The following KCNG2 variants were observed in gnomAD, a reference collection of about 807,000 sequenced individuals.
The protein encoded by KCNG2 is voltage-gated potassium channel regulatory subunit KCNG2.
Under a neutral mutation model 12.3 loss-of-function variants are expected in KCNG2, and 7 were observed. The ratio of observed to expected loss-of-function variants is 0.57; its 90% confidence interval spans 0.32 to 1.07. The LOEUF (loss-of-function observed/expected upper bound fraction) is 1.07, where lower values mean the gene tolerates loss of function less well. KCNG2 is among the 50% of genes least tolerant of loss of function. The pLI is 0.04. For synonymous variants in KCNG2, 414 were observed against 351.4 expected (o/e 1.18, Z -1.99); for missense variants, 703 against 726.0 (o/e 0.97, Z 0.36).
chr18:79,900,031 G>A lies in KCNG2; in HGVS notation c.*215G>A. The A allele has an allele frequency of 2.7e-6, 1 of 375,582 alleles. No homozygotes were observed. Among genetic ancestry groups the A allele is most frequent in the Admixed American group, 4.6e-5 (1 of 21,748 alleles). The allele number at this position is 375,582 out of a possible 1,614,324, so 23.3% of individuals were successfully genotyped here. A position where few individuals can be genotyped will look rare whatever the true frequency, so the allele number is the denominator to read the frequency against. ...CAAAGTCACTGGCCTTTGTCCTCCT[G>A]CCCCACCCCTTTCCTTGGATTTTTA... On this transcript the variant is annotated 3_prime_UTR_variant, in exon 4 of 4. Transcript: ENST00000316249.
At position 79,899,123 on chromosome 18, in the gene KCNG2, C is replaced by T; in HGVS notation, c.708C>T (p.Arg236=). Reference sequence around the variant, plus strand: ...GGTTCTCCTTCGAGTTCCTGCTGCGCTCCCTGCAGGCCGAGAGCAAGTGCG... The same window carrying T: ...GGTTCTCCTTCGAGTTCCTGCTGCGTTCCCTGCAGGCCGAGAGCAAGTGCG... ...VAWFSFEFLL[R]SLQAESKCAF... is the part of the protein sequence containing the mutation. The change falls in exon 4 of 4, where the codon CGC becomes CGT. Residue 236 remains arginine, a synonymous_variant. Transcript: ENST00000316249. 6.2e-7 allele frequency: 1 copy of T among 1,607,350 alleles called. No individual in the cohort carries two copies. The highest frequency in any genetic ancestry group is 2.2e-5 in the East Asian group (1 of 44,722).
At chr18:79,871,680 G>A (rs913144885) in intron 3 of KCNG2, among the ~76,000 whole-genome samples, 2 of 152,242 alleles carry the variant, frequency 1.3e-5, no homozygotes, top group Non-Finnish European at 2.9e-5. Flanking sequence ...CCCAGGGGCA[G>A]TAGAGGGAGG....
chr18:79,888,932 G>A (rs891188849), intron 3 of KCNG2, among the ~76,000 whole-genome samples: 7 of 152,028 alleles, frequency 4.6e-5, no homozygotes, highest in Non-Finnish European at 7.4e-5. Flanking sequence ...GCCCACCTTG[G>A]CCTCCCAAAG....
chr18:79,882,523 A>T (rs1181660773), intron 3 of KCNG2, among the ~76,000 whole-genome samples: 1 of 152,260 alleles, frequency 6.6e-6, no homozygotes. Context: ...AAAAGGGACA[A>T]AGTTTTGAAC....
chr18:79,887,776 C>T (rs886652692), intron 3 of KCNG2, among the ~76,000 whole-genome samples: 11 of 152,186 alleles, frequency 7.2e-5, no homozygotes, highest in Non-Finnish European at 1.3e-4. Flanking sequence ...CAGATCGGGG[C>T]TCGGGGGGTG....
chr18:79,799,078 T>A (rs1271726185), intron 1 of KCNG2, among the ~76,000 whole-genome samples: 1 of 152,242 alleles, frequency 6.6e-6, no homozygotes, highest in East Asian at 1.9e-4. Context: ...GGGTCCCCCC[T>A]TCTCTGCCTG....
At chr18:79,812,816 G>A (rs145481316) in intron 1 of KCNG2, among the ~76,000 whole-genome samples, 4,683 of 151,854 alleles carry the variant, frequency 0.031, 244 homozygotes, top group African/African-American at 0.11. Context: ...AGCCGAGATC[G>A]CACCACTGTA....
chr18:79,807,018 A>T (rs568343682), intron 1 of KCNG2, among the ~76,000 whole-genome samples: 86 of 152,302 alleles, frequency 5.6e-4, no homozygotes, highest in African/African-American at 1.9e-3. Context: ...TAAATGTTAG[A>T]AATAGCCTGA....
chr18:79,817,828 C>T (rs1186592996), intron 1 of KCNG2, among the ~76,000 whole-genome samples: 5 of 152,226 alleles, frequency 3.3e-5, no homozygotes, highest in African/African-American at 7.2e-5. Flanking sequence ...CTCAGACCCT[C>T]GGACCTGACT....
At chr18:79,885,421 C>T (rs1268287789) in intron 3 of KCNG2, among the ~76,000 whole-genome samples, 2 of 152,328 alleles carry the variant, frequency 1.3e-5, no homozygotes, top group African/African-American at 2.4e-5. Context: ...ACCATCCCAC[C>T]TGTGGTTCCG....
intron 1 of KCNG2, among the ~76,000 whole-genome samples, chr18:79,849,010 G>A (rs1978721397): frequency 6.6e-6 from 1 of 152,160 alleles, no homozygotes; most frequent in Non-Finnish European, 1.5e-5. Context: ...GATAATGAGT[G>A]CTTCCTGGAC....
At chr18:79,880,237 A>C (rs1218886289) in intron 3 of KCNG2, among the ~76,000 whole-genome samples, 1 of 148,154 alleles carries the variant, frequency 6.7e-6, no homozygotes, top group Non-Finnish European at 1.5e-5. Flanking sequence ...GGATAGTTAC[A>C]TGGGTTGGTT....
At chr18:79,807,371 T>C (rs2087457573) in intron 1 of KCNG2, among the ~76,000 whole-genome samples, 1 of 152,168 alleles carries the variant, frequency 6.6e-6, no homozygotes, top group Non-Finnish European at 1.5e-5. Context: ...CCCCAGGACA[T>C]AGATGATGAG....
intron 1 of KCNG2, among the ~76,000 whole-genome samples, chr18:79,805,392 G>A (rs1037609420): frequency 3.3e-5 from 5 of 152,208 alleles, no homozygotes; most frequent in African/African-American, 7.2e-5. Flanking sequence ...CCGCGCACTC[G>A]GGATGAGGCC....
At chr18:79,861,400 T>C (rs2123063017) in intron 2 of KCNG2, among the ~76,000 whole-genome samples, 1 of 149,328 alleles carries the variant, frequency 6.7e-6, no homozygotes, top group South Asian at 2.2e-4. Flanking sequence ...TGCCTCAGCC[T>C]CCCGAGTAGC....
At position 79,803,993 on chromosome 18, in the gene KCNG2, A is replaced by T. The variant is rs2087430505; in HGVS notation, c.-115+5979A>T. Among the ~76,000 whole-genome samples the T allele has an allele frequency of 1.3e-5, 2 of 152,204 alleles. No individual in the cohort carries two copies. Among genetic ancestry groups the T allele is most frequent in the Admixed American group, 1.3e-4 (2 of 15,288 alleles). On this transcript the variant is annotated intron_variant, in intron 1 of 3. Transcript: ENST00000316249. This position sits in a 1 kb window ranked among gnomAD's most constrained non-coding sequence, Gnocchi z 4.5. ...CAGGCCCGTCCTTTGCTGGTGGCAG[A>T]TTATTCCTCAACATGGGGATCTTGT...
intron 3 of KCNG2, among the ~76,000 whole-genome samples, chr18:79,867,141 G>GCCGAGGTCTGAGTA (rs1156316590): frequency 7.2e-6 from 1 of 138,136 alleles, no homozygotes; most frequent in Non-Finnish European, 1.6e-5. Context: ...AGGTCTGTGT[G>GCCGAGGTCTGAGTA]CCGAGGTCTG....
chr18:79,843,235 A>C (rs1341342994), intron 1 of KCNG2, among the ~76,000 whole-genome samples: 3 of 152,164 alleles, frequency 2.0e-5, no homozygotes, highest in African/African-American at 7.2e-5. Context: ...GTCAACCAAG[A>C]ATATTATACT....
intron 3 of KCNG2, among the ~76,000 whole-genome samples, chr18:79,865,473 T>TGCTG (rs1979454143): frequency 9.1e-6 from 1 of 109,864 alleles, no homozygotes; most frequent in African/African-American, 3.7e-5. Context: ...GAGGTCTGGG[T>TGCTG]ATGAGGTCTG....
Sources: gnomAD v4.1 joint callset for allele counts (sites outside exome capture counted in the v4.1 genomes callset) on GRCh38, gnomAD v4.1.1 for gene constraint, Gnocchi (gnomAD v3.1) non-coding constraint, MANE v1.5 for transcripts, NCBI Gene and HGNC (gene_info 2026-07-23, HGNC 2026-07-21) for gene names.